Variants in CADPS observed in about 807,000 individuals in gnomAD.
CADPS encodes calcium-dependent secretion activator 1.
A neutral mutation model predicts 167.3 loss-of-function variants in CADPS; 57 were observed. The ratio of observed to expected loss-of-function variants is 0.34; its 90% CI spans 0.28 to 0.42. The LOEUF (loss-of-function observed/expected upper bound fraction) is 0.42, where lower values mean the gene tolerates loss of function less well. Among genes scored for constraint, CADPS ranks in the 20% least tolerant of loss-of-function variants. The pLI is 1.00. For synonymous variants in CADPS, 676 were observed against 635.3 expected, an observed-to-expected ratio of 1.06 and a Z score of -0.96; for missense variants, 1,414 against 1,738.1, an observed-to-expected ratio of 0.81 and a Z score of 3.32.
intron 5 of CADPS, among the ~76,000 whole-genome samples, chr3:62,646,481 T>C (rs2068621059): frequency 6.6e-6 from 1 of 152,164 alleles, no homozygotes. Context: ...CAGGCTCTTA[T>C]TTTCTTTAAA....
At chr3:62,460,297 T>C (rs1250553647) in intron 26 of CADPS, among the ~76,000 whole-genome samples, 3 of 152,212 alleles carry the variant, frequency 2.0e-5, no homozygotes, top group Non-Finnish European at 4.4e-5. Flanking sequence ...TTGGTGCTTC[T>C]GTCCAAGGCA....
At chr3:62,869,749 G>A (rs1163009196) in intron 1 of CADPS, among the ~76,000 whole-genome samples, 1 of 152,072 alleles carries the variant, frequency 6.6e-6, no homozygotes, top group African/African-American at 2.4e-5. Context: ...ATCAAGCCTG[G>A]GTGAGCGCTT....
intron 3 of CADPS, among the ~76,000 whole-genome samples, chr3:62,710,412 A>T (rs910903540): frequency 6.6e-6 from 1 of 151,950 alleles, no homozygotes; most frequent in Non-Finnish European, 1.5e-5. Flanking sequence ...TAAAAAAAAA[A>T]TCTGAGATAA....
At chr3:62,670,163 TG>T (rs780888619) in intron 3 of CADPS, among the ~76,000 whole-genome samples, 14 of 152,188 alleles carry the variant, frequency 9.2e-5, no homozygotes, top group Non-Finnish European at 2.9e-5. Flanking sequence ...AAAGGACTAT[TG>T]TAATGATGAC....
intron 6 of CADPS, among the ~76,000 whole-genome samples, chr3:62,636,692 A>C (rs2149827724): frequency 6.6e-6 from 1 of 152,320 alleles, no homozygotes; most frequent in Admixed American, 6.5e-5. Flanking sequence ...GCTGCACTCT[A>C]GCCTCTGGAA....
chr3:62,596,859 A>G (rs75320680), intron 6 of CADPS, among the ~76,000 whole-genome samples: 1,768 of 152,312 alleles, frequency 0.012, 34 homozygotes, highest in African/African-American at 0.04. Flanking sequence ...CATTTCACAG[A>G]TGAGAAAACT....
At chr3:62,617,883 T>G (rs986014429) in intron 6 of CADPS, among the ~76,000 whole-genome samples, 20 of 152,096 alleles carry the variant, frequency 1.3e-4, no homozygotes, top group Admixed American at 1.3e-4. Flanking sequence ...CATCTGTTGT[T>G]TTTGCCTGCT....
chr3:62,466,176 C>A (rs2059912853), intron 25 of CADPS, among the ~76,000 whole-genome samples, 163 bp downstream of exon 25: 1 of 152,138 alleles, frequency 6.6e-6, no homozygotes, highest in African/African-American at 2.4e-5. Flanking sequence ...GGCTCGAGAT[C>A]ATCGGAAAAT....
intron 24 of CADPS, chr3:62,467,396 T>C: frequency 4.2e-6 from 3 of 707,770 alleles, no homozygotes; most frequent in Non-Finnish European, 5.9e-6. Context: ...CATGAGAAAA[T>C]AAAAATTAAA....
chr3:62,717,442 A>G (rs1164457312), intron 3 of CADPS, among the ~76,000 whole-genome samples: 1 of 152,190 alleles, frequency 6.6e-6, no homozygotes, highest in African/African-American at 2.4e-5. Context: ...TAACTTGCAC[A>G]AAAGAGAAAT....
intron 9 of CADPS, among the ~76,000 whole-genome samples, chr3:62,565,053 C>T (rs1319301471): frequency 6.6e-6 from 1 of 152,154 alleles, no homozygotes; most frequent in Non-Finnish European, 1.5e-5. Context: ...TCTGGCTATC[C>T]AGCAGTGCTC....
chr3:62,592,064 GT>G (rs1008869404), intron 7 of CADPS, among the ~76,000 whole-genome samples: 5 of 152,116 alleles, frequency 3.3e-5, no homozygotes, highest in African/African-American at 1.2e-4. Context: ...TAATATGTCA[GT>G]AAATCGGTTT....
At chr3:62,785,426 C>T (rs1354035758) in intron 1 of CADPS, among the ~76,000 whole-genome samples, 1 of 152,186 alleles carries the variant, frequency 6.6e-6, no homozygotes, top group African/African-American at 2.4e-5. Context: ...ATGTCATACA[C>T]CTTGAGCCTT....
At chr3:62,746,493 T>A (rs2081483076) in intron 3 of CADPS, among the ~76,000 whole-genome samples, 2 of 152,150 alleles carry the variant, frequency 1.3e-5, no homozygotes, top group Admixed American at 6.5e-5. Context: ...CATGCCACCA[T>A]GCCTGGCTAA....
chr3:62,512,930 G>A (rs1051042068), intron 16 of CADPS, among the ~76,000 whole-genome samples, 162 bp from the exon 17 acceptor site: 2 of 151,890 alleles, frequency 1.3e-5, no homozygotes, highest in Admixed American at 1.3e-4. Context: ...AAAGTTTGGG[G>A]GCCAGCAAAA....
At chr3:62,645,902 A>G in intron 5 of CADPS, 59 bp from the exon 6 acceptor site, 1 of 1,593,402 alleles carries the variant, frequency 6.3e-7, no homozygotes, top group Non-Finnish European at 8.6e-7. Flanking sequence ...AGCATCGCCC[A>G]GAGGAAAATA....
chr3:62,545,170 T>C (rs1417507878), intron 11 of CADPS, among the ~76,000 whole-genome samples: 1 of 152,118 alleles, frequency 6.6e-6, no homozygotes, highest in Non-Finnish European at 1.5e-5. Flanking sequence ...GACATTAAAA[T>C]GACTCATTGC....
chr3:62,449,385 C>T (rs935622388), intron 26 of CADPS, among the ~76,000 whole-genome samples: 3 of 152,208 alleles, frequency 2.0e-5, no homozygotes, highest in Non-Finnish European at 2.9e-5. Flanking sequence ...TCACCAGTTA[C>T]ATTCTTTACA....
chr3:62,635,888 A>G (rs2066209035), intron 6 of CADPS, among the ~76,000 whole-genome samples: 1 of 152,196 alleles, frequency 6.6e-6, no homozygotes, highest in South Asian at 2.1e-4. Flanking sequence ...TTTACATGTA[A>G]GCATTATAAG....
Sources: gnomAD v4.1 joint callset for allele counts (sites outside exome capture counted in the v4.1 genomes callset) on GRCh38, gnomAD v4.1.1 for gene constraint, MANE v1.5 for transcripts, NCBI Gene and HGNC (gene_info 2026-07-23, HGNC 2026-07-21) for gene names.